The following TAOK3 variants were observed in gnomAD, a reference collection of about 807,000 sequenced individuals.
TAOK3 encodes the protein TAO kinase 3.
TAOK3 carries 40 observed loss-of-function variants against 120.4 expected under a neutral mutation model. The observed-to-expected ratio is 0.33, with a 90% CI of 0.26 to 0.43. The LOEUF (loss-of-function observed/expected upper bound fraction) is 0.43, where lower values mean the gene tolerates loss of function less well. Ranked by LOEUF, TAOK3 falls within the 20% of genes least tolerant of loss-of-function variation. The pLI is 1.00. For synonymous variants in TAOK3, 355 were observed against 387.5 expected (o/e 0.92, Z 0.99); for missense variants, 821 against 1,112.1 (o/e 0.74, Z 3.72).
chr12:118,235,648 A>G lies in TAOK3; in HGVS notation c.461T>C (p.Leu154Pro). Residue 154 changes from leucine to proline, a missense_variant, in exon 8 of 21, where the codon CTT (leucine) becomes CCT (proline). By Grantham distance (98) the Leu-to-Pro change is moderately conservative. This residue lies in a region of TAOK3 where 467 missense variants were observed against 540.0 expected (regional missense o/e 0.86). Coordinates refer to ENST00000392533, the MANE Select transcript of TAOK3 (RefSeq NM_016281.4). ...TTTTACCTGACCTGGCTCTGTTAGA[A>G]GAATATTTCCTGCTTTAATATCCCT... ...IHRDIKAGNILLTEPGQVKLA... is the reference protein window; with the variant it reads ...IHRDIKAGNIPLTEPGQVKLA... The G allele has an allele frequency of 6.2e-7, 1 of 1,613,282 alleles. No individual in the cohort carries two copies. The highest frequency in any genetic ancestry group is 8.5e-7 in the Non-Finnish European group (1 of 1,179,564).
At chr12:118,343,996 A>G (rs1488916998) in intron 1 of TAOK3, among the ~76,000 whole-genome samples, 1 of 150,946 alleles carries the variant, frequency 6.6e-6, no homozygotes, top group Non-Finnish European at 1.5e-5. Context: ...TGGGGGACAG[A>G]GCGAGACTGT....
In TAOK3 at chr12:118,292,300, T is replaced by A. The variant is rs1229451124; in HGVS notation, c.-193-25541A>T. 2.6e-5 allele frequency among the ~76,000 whole-genome samples: 4 copies of A among 152,178 alleles called. No individual in the cohort carries two copies. The East Asian group carries it at 5.8e-4, about 22-fold the overall frequency. On this transcript the variant is annotated intron_variant, in intron 1 of 20. Coordinates refer to ENST00000392533, the MANE Select transcript of TAOK3 (RefSeq NM_016281.4). ...TATTAGAATTTTTTTGAACATTCAC[T>A]CATTGTTGCCTTTGGTAAATGAACT...
At chr12:118,268,338 A>G (rs2041548562) in intron 1 of TAOK3, among the ~76,000 whole-genome samples, 1 of 152,212 alleles carries the variant, frequency 6.6e-6, no homozygotes, top group African/African-American at 2.4e-5. Flanking sequence ...ACCTACATAT[A>G]TTGGAATAAT....
At chr12:118,164,571 C>T (rs1272849755) in intron 17 of TAOK3, among the ~76,000 whole-genome samples, 3 of 151,902 alleles carry the variant, frequency 2.0e-5, no homozygotes. Flanking sequence ...GTGCCCACCA[C>T]CACGCCTGGC....
intron 9 of TAOK3, among the ~76,000 whole-genome samples, chr12:118,227,896 A>G (rs1298695921): frequency 6.6e-6 from 1 of 152,136 alleles, no homozygotes; most frequent in Non-Finnish European, 1.5e-5. Flanking sequence ...TGTTCCCCCA[A>G]AGGAATATAT....
In TAOK3 at chr12:118,233,655, C is replaced by T. The variant is rs2039885286; in HGVS notation, c.643+19G>A. 6.5e-7 allele frequency: 1 copy of T among 1,544,478 alleles called. No homozygotes were observed. The highest frequency in any genetic ancestry group is 1.4e-5 in the African/African-American group (1 of 73,098). On this transcript the variant is annotated intron_variant, in intron 9 of 20. Coordinates refer to ENST00000392533, the MANE Select transcript of TAOK3 (RefSeq NM_016281.4). The stretch of plus-strand genomic sequence containing the variant: ...AGAATTTTAAAAAATACAATGAAAA[C>T]AAATAACTCTTTACTCACCCAATTC...
chr12:118,237,256 C>T (rs1007545090), intron 7 of TAOK3, among the ~76,000 whole-genome samples: 9 of 152,108 alleles, frequency 5.9e-5, no homozygotes, highest in African/African-American at 1.9e-4. Flanking sequence ...CCAATAGTTT[C>T]ACTTCTTCCT....
intron 1 of TAOK3, among the ~76,000 whole-genome samples, chr12:118,293,897 C>T (rs2042578348): frequency 6.8e-6 from 1 of 147,546 alleles, no homozygotes; most frequent in Non-Finnish European, 1.5e-5. Flanking sequence ...CGCCTGTAAT[C>T]CCAGCTACTC....
chr12:118,344,811 T>C (rs558583127), intron 1 of TAOK3, among the ~76,000 whole-genome samples: 1 of 152,314 alleles, frequency 6.6e-6, no homozygotes, highest in South Asian at 2.1e-4. Context: ...ATTAATAACA[T>C]TTATTTTTAT....
intron 1 of TAOK3, among the ~76,000 whole-genome samples, chr12:118,363,349 G>A (rs1001685767): frequency 3.3e-5 from 5 of 152,010 alleles, no homozygotes; most frequent in African/African-American, 1.2e-4. Flanking sequence ...ATATTATTTT[G>A]AACCTAAAGT....
At chr12:118,312,456 C>T (rs1209938694) in intron 1 of TAOK3, among the ~76,000 whole-genome samples, 1 of 152,070 alleles carries the variant, frequency 6.6e-6, no homozygotes, top group African/African-American at 2.4e-5. Flanking sequence ...ACTAACCATA[C>T]CTTGGACAAC....
At chr12:118,335,779 A>G (rs2044345309) in intron 1 of TAOK3, among the ~76,000 whole-genome samples, 1 of 152,190 alleles carries the variant, frequency 6.6e-6, no homozygotes, top group Non-Finnish European at 1.5e-5. Flanking sequence ...CAGTGAGTGG[A>G]GATGGTGCCA....
chr12:118,214,229 C>T, intron 9 of TAOK3, 119 bp from the exon 10 acceptor site: 1 of 704,082 alleles, frequency 1.4e-6, no homozygotes, highest in South Asian at 1.8e-5. Context: ...GTCATCATGC[C>T]ACATAATCCA....
chr12:118,287,209 T>C (rs961207902), intron 1 of TAOK3, among the ~76,000 whole-genome samples: 5 of 152,092 alleles, frequency 3.3e-5, no homozygotes, highest in Non-Finnish European at 1.5e-5. Context: ...CCCAATAACC[T>C]ATGGAAATTT....
intron 6 of TAOK3, 80 bp downstream of exon 6, chr12:118,239,147 A>C (rs1033549887): frequency 3.2e-6 from 3 of 946,128 alleles, no homozygotes; most frequent in African/African-American, 3.3e-5. Flanking sequence ...TAGACTGCCC[A>C]AACTACACTT....
intron 9 of TAOK3, among the ~76,000 whole-genome samples, chr12:118,228,395 A>G (rs2039609354): frequency 6.6e-6 from 1 of 152,032 alleles, no homozygotes; most frequent in Admixed American, 6.6e-5. Context: ...CAGGTGATCC[A>G]TCTGCCTTGG....
chr12:118,278,117 A>T (rs1032747994), intron 1 of TAOK3, among the ~76,000 whole-genome samples: 3 of 151,924 alleles, frequency 2.0e-5, no homozygotes, highest in African/African-American at 7.3e-5. Flanking sequence ...TTTTGCACCC[A>T]GCAATAAAAA....
At chr12:118,318,373 G>T (rs1033668022) in intron 1 of TAOK3, among the ~76,000 whole-genome samples, 2 of 152,054 alleles carry the variant, frequency 1.3e-5, no homozygotes, top group South Asian at 4.1e-4. Flanking sequence ...GGCCAGGATG[G>T]TCTCGATTTC....
At chr12:118,164,856 A>C (rs538210855) in intron 17 of TAOK3, among the ~76,000 whole-genome samples, 63 of 152,328 alleles carry the variant, frequency 4.1e-4, no homozygotes, top group African/African-American at 1.5e-3. Context: ...AATATCTTGC[A>C]CACTTGGGCT....
Sources: gnomAD v4.1 joint callset for allele counts (sites outside exome capture counted in the v4.1 genomes callset) on GRCh38, gnomAD v4.1.1 for gene constraint, gnomAD v4.1.1 regional missense constraint, MANE v1.5 for transcripts, NCBI Gene and HGNC (gene_info 2026-07-23, HGNC 2026-07-21) for gene names.